CTNNA2: variants seen among roughly 807,000 people sequenced by gnomAD.
CTNNA2 encodes catenin alpha-2.
In CTNNA2, 42 loss-of-function variants were observed where a neutral mutation model predicts 101.0. The ratio of observed to expected loss-of-function variants is 0.42; its 90% CI spans 0.32 to 0.54. CTNNA2 has a LOEUF of 0.54. Among genes scored for constraint, CTNNA2 ranks in the 20% least tolerant of loss-of-function variants. The pLI, the probability that CTNNA2 is intolerant of heterozygous loss-of-function variation, is 0.14. For missense variants in CTNNA2, 871 were observed against 1,223.1 expected, an observed-to-expected ratio of 0.71 and a Z score of 4.29; for synonymous variants, 450 against 456.4, an observed-to-expected ratio of 0.99 and a Z score of 0.18.
At chr2:80,621,954 C>T (rs62152003) in intron 18 of CTNNA2, among the ~76,000 whole-genome samples, 6,968 of 151,844 alleles carry the variant, frequency 0.046, 165 homozygotes, top group Non-Finnish European at 0.057. Flanking sequence ...GAGAACAGAA[C>T]GGTTTAGATG....
intron 1 of CTNNA2, among the ~76,000 whole-genome samples, chr2:79,529,042 C>T (rs911367269): frequency 1.9e-4 from 29 of 152,256 alleles, no homozygotes; most frequent in African/African-American, 6.0e-4. Flanking sequence ...AGAAGATTCA[C>T]ATTTCAACAG....
chr2:80,324,916 T>C (rs1431796356), intron 7 of CTNNA2, among the ~76,000 whole-genome samples: 1 of 152,146 alleles, frequency 6.6e-6, no homozygotes, highest in African/African-American at 2.4e-5. Flanking sequence ...CCCTGACCAC[T>C]CCATCTAAAG....
upstream of CTNNA2, among the ~76,000 whole-genome samples, chr2:79,509,008 TATATAA>T (rs1262990489): frequency 1.8e-5 from 1 of 55,656 alleles, no homozygotes; most frequent in Non-Finnish European, 3.9e-5. Context: ...TATATATATA[TATATAA>T]ACAATTACCT....
At chr2:79,835,666 G>GTTTTTTGTTTTTTGTTTTTTTTTTTTTTT (rs1679276639) in intron 3 of CTNNA2, among the ~76,000 whole-genome samples, 1 of 58,618 alleles carries the variant, frequency 1.7e-5, no homozygotes, top group African/African-American at 7.3e-5. Flanking sequence ...GCCTCTCTTT[G>GTTTTTTGTTTTTTGTTTTTTTTTTTTTTT]TTTTTTTTTT....
intron 7 of CTNNA2, among the ~76,000 whole-genome samples, chr2:80,192,628 G>C (rs1706580755): frequency 6.6e-6 from 1 of 152,100 alleles, no homozygotes; most frequent in Non-Finnish European, 1.5e-5. Flanking sequence ...ATGGGTTCAA[G>C]CGATTCTCCT....
Position 80,627,510 on chromosome 2 carries a change from GTCT to G in CTNNA2, c.2574+8287_2574+8289del, listed in dbSNP as rs537219169. On this transcript the variant is annotated intron_variant, in intron 18 of 18. Coordinates refer to ENST00000402739, the MANE Select transcript of CTNNA2 (RefSeq NM_001282597.3). Reference sequence around the variant, plus strand: ...TCATATGTTTGTTGGCTGCATAAATGTCTTCTTTTGAGAAGTGTCTGTTCATAT... The same window carrying G: ...TCATATGTTTGTTGGCTGCATAAATGTCTTTTGAGAAGTGTCTGTTCATAT... Among the ~76,000 whole-genome samples the G allele has an allele frequency of 3.8e-3, 576 of 152,240 alleles. 7 individuals are homozygous for G. Among genetic ancestry groups the G allele is most frequent in the African/African-American group, 0.012 (487 of 41,558 alleles).
intron 9 of CTNNA2, among the ~76,000 whole-genome samples, chr2:80,445,482 C>T (rs1275388210): frequency 8.5e-5 from 13 of 152,086 alleles, no homozygotes; most frequent in Admixed American, 8.5e-4. Flanking sequence ...TGCTCGGCCC[C>T]GTTATTTGCA....
In CTNNA2 at chr2:80,512,282, G is replaced by A. The variant is rs571722717; in HGVS notation, c.1291-32700G>A. ...CAAATAAATAGTCTTGGAAAAATAT[G>A]CCCATAACTTCTTGAAGTTCATAAT... On this transcript the variant is annotated intron_variant, in intron 9 of 18. Transcript: ENST00000402739. Among the ~76,000 whole-genome samples the A allele has an allele frequency of 4.6e-5, 7 of 151,786 alleles. No homozygotes were observed. The South Asian group carries it at 1.5e-3, about 32-fold the overall frequency.
chr2:80,601,559 T>G (rs915323678), intron 15 of CTNNA2: 2 of 151,808 alleles, frequency 1.3e-5, no homozygotes, highest in African/African-American at 4.8e-5. Context: ...TCATCTGTTT[T>G]CACATTTACT....
At chr2:80,326,996 C>A (rs1396278240) in intron 7 of CTNNA2, among the ~76,000 whole-genome samples, 4 of 152,118 alleles carry the variant, frequency 2.6e-5, no homozygotes, top group Non-Finnish European at 5.9e-5. Flanking sequence ...GTTCCTAAGG[C>A]ACTACCGCTG....
Position 80,619,087 on chromosome 2 carries a change from A to G in CTNNA2, c.2433A>G (p.Thr811=). 1 of 1,494,874 alleles carries G rather than the reference A, an allele frequency of 6.7e-7. No homozygotes were observed. The highest frequency in any genetic ancestry group is 8.9e-7 in the Non-Finnish European group (1 of 1,118,694). The allele number at this position is 1,494,874 out of a possible 1,614,324, so 92.6% of individuals were successfully genotyped here. A position where few individuals can be genotyped will look rare whatever the true frequency, so the allele number is the denominator to read the frequency against. ...NLGGELIVSG[T]GVQSTFTTFY... ...TTTCTGTATCTCTCGGAAATCAGACAGGAGTTCAGAGCACTTTCACTACCT... is the reference window on the plus strand; with the variant it reads ...TTTCTGTATCTCTCGGAAATCAGACGGGAGTTCAGAGCACTTTCACTACCT... The change falls in exon 18 of 19, where the codon ACA becomes ACG. Residue 811 remains threonine, a splice_region_variant and synonymous_variant. Coordinates refer to ENST00000402739, the MANE Select transcript of CTNNA2 (RefSeq NM_001282597.3).
intron 7 of CTNNA2, among the ~76,000 whole-genome samples, chr2:80,179,706 G>A (rs1379189624): frequency 4.6e-5 from 7 of 152,142 alleles, no homozygotes; most frequent in African/African-American, 1.7e-4. Context: ...TCAAGTCCTT[G>A]ATGATGGCAC....
chr2:80,139,521 A>G (rs866230182), intron 7 of CTNNA2, among the ~76,000 whole-genome samples: 15 of 152,260 alleles, frequency 9.9e-5, no homozygotes, highest in African/African-American at 3.4e-4. Context: ...TGCAAAGGCT[A>G]CAGTTTTCAC....
chr2:80,145,437 C>CCACT (rs1190884254), intron 7 of CTNNA2, among the ~76,000 whole-genome samples: 2 of 152,180 alleles, frequency 1.3e-5, no homozygotes, highest in Non-Finnish European at 2.9e-5. Context: ...TAGCCACTAG[C>CCACT]CACTGTTGGG....
chr2:80,636,595 G>T (rs1672907386), intron 18 of CTNNA2, among the ~76,000 whole-genome samples: 1 of 152,058 alleles, frequency 6.6e-6, no homozygotes, highest in Non-Finnish European at 1.5e-5. Context: ...ACACCATTTG[G>T]TTTTTAATAT....
intron 3 of CTNNA2, among the ~76,000 whole-genome samples, chr2:79,349,584 A>C (rs1193392727): frequency 6.6e-6 from 1 of 152,228 alleles, no homozygotes; most frequent in Non-Finnish European, 1.5e-5. Flanking sequence ...AACATTCTAT[A>C]GATTAGATAC....
At chr2:80,403,879 G>T (rs1037653223) in intron 8 of CTNNA2, among the ~76,000 whole-genome samples, 4 of 152,184 alleles carry the variant, frequency 2.6e-5, no homozygotes, top group Non-Finnish European at 1.5e-5. Context: ...TGTGATGTTT[G>T]TCTTTAGTTC....
intron 9 of CTNNA2, among the ~76,000 whole-genome samples, chr2:80,437,275 G>A (rs544385282): frequency 8.5e-5 from 13 of 152,212 alleles, no homozygotes; most frequent in South Asian, 2.1e-4. Context: ...GATTCGCAAC[G>A]TACTTAGTCA....
chr2:80,402,310 G>A (rs796339469), intron 8 of CTNNA2, among the ~76,000 whole-genome samples: 6 of 152,208 alleles, frequency 3.9e-5, no homozygotes, highest in Non-Finnish European at 8.8e-5. Context: ...CTGTCCTTTT[G>A]AGTTTTTATG....
Sources: gnomAD v4.1 joint callset for allele counts (sites outside exome capture counted in the v4.1 genomes callset) on GRCh38, gnomAD v4.1.1 for gene constraint, MANE v1.5 for transcripts, NCBI Gene and HGNC (gene_info 2026-07-23, HGNC 2026-07-21) for gene names.